Variants in KCTD18 observed in about 807,000 individuals in gnomAD.
KCTD18 encodes BTB/POZ domain-containing protein KCTD18.
KCTD18 carries 22 observed loss-of-function variants against 30.4 expected under a neutral mutation model. The ratio of observed to expected loss-of-function variants is 0.72; its 90% CI spans 0.52 to 1.03. The LOEUF (loss-of-function observed/expected upper bound fraction) is 1.03, where lower values mean the gene tolerates loss of function less well. Ranked by LOEUF, KCTD18 falls within the 50% of genes least tolerant of loss-of-function variation. KCTD18 has a pLI of 0.00. For synonymous variants in KCTD18, 186 were observed against 209.0 expected (o/e 0.89, Z 0.95); for missense variants, 529 against 547.6 (o/e 0.97, Z 0.34).
Position 200,490,501 on chromosome 2 carries a change from A to G in KCTD18, c.880T>C (p.Ser294Pro), listed in dbSNP as rs1206167975. 5 of 1,610,368 alleles carry G rather than the reference A, an allele frequency of 3.1e-6. No homozygotes were observed. Among genetic ancestry groups the G allele is most frequent in the Non-Finnish European group, 4.2e-6 (5 of 1,180,012 alleles). Residue 294 changes from serine (S) to proline (P), a missense_variant, in exon 7 of 7, where the codon TCA becomes CCA. Ser to Pro is a moderately conservative substitution (Grantham distance 74). Coordinates refer to ENST00000359878, the MANE Select transcript of KCTD18 (RefSeq NM_152387.4). ...GCACTGGCTGGAGACACCGTGACTG[A>G]GGCCGAGTTCTTGACTTTAATTTGG... is the stretch of plus-strand genomic sequence containing the variant. ...STQIKVKNSA[S>P]VTVSPASAIQ...
intron 3 of KCTD18, among the ~76,000 whole-genome samples, chr2:200,502,791 G>A (rs1216853861): frequency 3.3e-5 from 5 of 152,104 alleles, no homozygotes; most frequent in African/African-American, 1.2e-4. Flanking sequence ...AGCACTTTGG[G>A]AGGCCGAGGC....
At chr2:200,507,174 G>T in intron 1 of KCTD18, 83 bp from the exon 2 acceptor site, 1 of 506,842 alleles carries the variant, frequency 2.0e-6, no homozygotes, top group Non-Finnish European at 3.4e-6. Context: ...TAACATGACT[G>T]AAAATAAATT....
intron 3 of KCTD18, among the ~76,000 whole-genome samples, chr2:200,504,340 TC>T (rs1268717193): frequency 1.3e-5 from 2 of 151,338 alleles, no homozygotes; most frequent in Non-Finnish European, 2.9e-5. Flanking sequence ...GCGCCTGTAG[TC>T]CCAGCTACTG....
At chr2:200,508,370 G>A (rs7581678) in intron 1 of KCTD18, among the ~76,000 whole-genome samples, 11 of 152,222 alleles carry the variant, frequency 7.2e-5, no homozygotes, top group African/African-American at 9.6e-5. Context: ...GATTACAGGC[G>A]TGAGCCACTG....
At chr2:200,506,330 G>C (rs778455215) in intron 2 of KCTD18, among the ~76,000 whole-genome samples, 3 of 152,152 alleles carry the variant, frequency 2.0e-5, no homozygotes, top group Non-Finnish European at 4.4e-5. Flanking sequence ...CCAGTTTTCA[G>C]TCCGCTGCCC....
At position 200,509,976 on chromosome 2, in the gene KCTD18, G is replaced by A. The variant is rs1289302107; in HGVS notation, c.-424C>T. Reference sequence around the variant, plus strand: ...CCCGCGCCCGGCTCTTCCGCACCGGGGGGGTGGGGCGGGTCGGCAGCTTCC... The same window carrying A: ...CCCGCGCCCGGCTCTTCCGCACCGGAGGGGTGGGGCGGGTCGGCAGCTTCC... On this transcript the variant is annotated 5_prime_UTR_variant, in exon 1 of 7. Transcript: ENST00000359878. 6.6e-6 allele frequency: 1 copy of A among 152,010 alleles called. No homozygotes were observed. The highest frequency in any genetic ancestry group is 1.5e-5 in the Non-Finnish European group (1 of 67,992). The allele number at this position is 152,010 out of a possible 1,614,324, so 9.4% of individuals were successfully genotyped here.
intron 6 of KCTD18, among the ~76,000 whole-genome samples, chr2:200,492,380 T>C (rs2087932782): frequency 6.6e-6 from 1 of 152,218 alleles, no homozygotes; most frequent in South Asian, 2.1e-4. Flanking sequence ...ACCACTGCTC[T>C]TGACTCAAAT....
chr2:200,492,862 G>A (rs923766141), intron 6 of KCTD18, among the ~76,000 whole-genome samples: 1 of 152,048 alleles, frequency 6.6e-6, no homozygotes, highest in Admixed American at 6.6e-5. Flanking sequence ...GTAAAGCCTG[G>A]GATTCCACTT....
At chr2:200,494,546 A>C (rs1035920033) in intron 5 of KCTD18, among the ~76,000 whole-genome samples, 3 of 152,228 alleles carry the variant, frequency 2.0e-5, no homozygotes, top group Admixed American at 2.0e-4. Context: ...ATAATGATAG[A>C]CATATCTGAT....
In KCTD18 at chr2:200,507,045, G is replaced by T. The variant is rs3739116; in HGVS notation, c.-29C>A. ...TCCCCCAGGCACCTGAATTTTTGCC[G>T]CCCAACACTTTCAGAAACTTCAAAA... On this transcript the variant is annotated 5_prime_UTR_variant, in exon 2 of 7. Transcript: ENST00000359878. The T allele has an allele frequency of 0.78, 1,229,889 of 1,578,740 alleles. 480,775 individuals are homozygous for T. The highest frequency in any genetic ancestry group is 0.82 in the East Asian group (36,378 of 44,156).
At chr2:200,493,035 G>A in intron 6 of KCTD18, 137 bp downstream of exon 6, 1 of 601,322 alleles carries the variant, frequency 1.7e-6, no homozygotes, top group Non-Finnish European at 3.0e-6. Flanking sequence ...ATATTTTGAT[G>A]GTAAGACAGA....
chr2:200,500,727 A>G (rs1216185058), intron 3 of KCTD18, among the ~76,000 whole-genome samples: 1 of 151,452 alleles, frequency 6.6e-6, no homozygotes, highest in Non-Finnish European at 1.5e-5. Context: ...TACAGATTCA[A>G]TGCCATCCCC....
intron 3 of KCTD18, among the ~76,000 whole-genome samples, chr2:200,499,301 C>G (rs949078477): frequency 6.6e-6 from 1 of 152,058 alleles, no homozygotes; most frequent in Non-Finnish European, 1.5e-5. Context: ...AAAATACCCC[C>G]CAAAACCCCA....
At chr2:200,491,829 A>G (rs10931901) in intron 6 of KCTD18, among the ~76,000 whole-genome samples, 78,312 of 152,000 alleles carry the variant, frequency 0.52, 20,314 homozygotes, top group East Asian at 0.59. Flanking sequence ...TCAATGTGTC[A>G]TTAGAGGCGA....
rs1242705499 is a variant in KCTD18, at chr2:200,506,924, G to C, written c.93C>G (p.Cys31Trp). ...ATGCCAACATGGAGTCCTTGAAGCG[G>C]CACAAGGACTCCCGCCGGGCTGTGT... ...CIYTARRESLCRFKDSMLASM... is the reference protein window; with the variant it reads ...CIYTARRESLWRFKDSMLASM... Residue 31 changes from cysteine (C) to tryptophan (W), a missense_variant, in exon 2 of 7, where the codon TGC (cysteine) becomes TGG (tryptophan). By Grantham distance (215) the Cys-to-Trp change is radical. Coordinates refer to ENST00000359878, the MANE Select transcript of KCTD18 (RefSeq NM_152387.4). 3.7e-6 allele frequency: 6 copies of C among 1,613,298 alleles called. No homozygotes were observed. The highest frequency in any genetic ancestry group is 5.1e-6 in the Non-Finnish European group (6 of 1,179,586).
At chr2:200,502,696 A>C (rs1250911497) in intron 3 of KCTD18, among the ~76,000 whole-genome samples, 1 of 152,190 alleles carries the variant, frequency 6.6e-6, no homozygotes, top group Non-Finnish European at 1.5e-5. Flanking sequence ...TAGCTAATGC[A>C]GAAGACAGAC....
At chr2:200,495,047 CTT>C (rs11354501) in intron 5 of KCTD18, among the ~76,000 whole-genome samples, 1 of 151,904 alleles carries the variant, frequency 6.6e-6, no homozygotes. Context: ...TAAAAACTTT[CTT>C]TTTTTTTCCT....
Position 200,497,745 on chromosome 2 carries a change from C to T in KCTD18, c.661+8G>A, listed in dbSNP as rs2088017446. 2 of 1,578,202 alleles carry T rather than the reference C, an allele frequency of 1.3e-6. No individual in the cohort carries two copies. Among genetic ancestry groups the T allele is most frequent in the Non-Finnish European group, 1.7e-6 (2 of 1,147,982 alleles). ...CTGCTTCCATGAAATAAAAGAATTG[C>T]ACTGTACCTTTTCCTTCCCAAGCAT... On this transcript the variant is annotated splice_region_variant and intron_variant, in intron 5 of 6. Coordinates refer to ENST00000359878, the MANE Select transcript of KCTD18 (RefSeq NM_152387.4).
Position 200,490,583 on chromosome 2 carries a change from A to T in KCTD18, c.798T>A (p.Ser266Arg), listed in dbSNP as rs1246121332. 1 of 1,597,134 alleles carries T rather than the reference A, an allele frequency of 6.3e-7. No homozygotes were observed. The highest frequency in any genetic ancestry group is 1.1e-5 in the South Asian group (1 of 90,848). The change falls in exon 7 of 7, where the codon AGT becomes AGA. Residue 266 changes from serine to arginine, a missense_variant. Ser to Arg is a moderately radical substitution (Grantham distance 110). Coordinates refer to ENST00000359878, the MANE Select transcript of KCTD18 (RefSeq NM_152387.4). ...RLITFNEADESVNYKTGPKPV... is the reference protein window; with the variant it reads ...RLITFNEADERVNYKTGPKPV... Reference sequence around the variant, plus strand: ...GCTTAGGACCAGTCTTATAGTTCACACTTTCGTCCGCTTCATTGAACGTTA... The same window carrying T: ...GCTTAGGACCAGTCTTATAGTTCACTCTTTCGTCCGCTTCATTGAACGTTA...
Sources: allele counts gnomAD v4.1 joint callset (sites outside exome capture counted in the v4.1 genomes callset), GRCh38; gene constraint gnomAD v4.1.1; transcripts MANE v1.5; gene names NCBI Gene and HGNC (gene_info 2026-07-23, HGNC 2026-07-21).